Variants in CLIC6 observed in about 807,000 individuals in gnomAD.
CLIC6 encodes chloride intracellular channel protein 6.
CLIC6 carries 39 observed loss-of-function variants against 49.2 expected under a neutral mutation model. The ratio of observed to expected loss-of-function variants is 0.79; its 90% CI spans 0.61 to 1.04. CLIC6 has a LOEUF of 1.04. Ranked by LOEUF, CLIC6 falls within the 50% of genes least tolerant of loss-of-function variation. The pLI, the probability that CLIC6 is intolerant of heterozygous loss-of-function variation, is 0.00. For missense variants in CLIC6, 988 were observed against 993.1 expected (o/e 0.99, Z 0.07); for synonymous variants, 446 against 433.4 (o/e 1.03, Z -0.36).
intron 1 of CLIC6, among the ~76,000 whole-genome samples, chr21:34,685,131 TG>T (rs1989852369): frequency 1.3e-5 from 2 of 151,936 alleles, no homozygotes; most frequent in South Asian, 4.2e-4. Flanking sequence ...GGTGGCAGGG[TG>T]GGGGGTGGTG....
intron 1 of CLIC6, among the ~76,000 whole-genome samples, chr21:34,675,702 A>T (rs140638029): frequency 1.2e-3 from 183 of 152,226 alleles, no homozygotes; most frequent in Middle Eastern, 0.01. Flanking sequence ...CCCCTGCCAC[A>T]CTCAGTGAGA....
chr21:34,670,251 G>A lies in CLIC6; in HGVS notation c.863G>A (p.Arg288Lys), dbSNP rs1412269425. The part of the protein sequence containing the change: ...DSMDAEGPAG[R>K]ARRVSGEPQQ... ...ATGGACGCCGAGGGTCCGGCAGGAAGGGCGCGCCGGGTCTCGGGTGAGCCG... is the reference window on the plus strand; with the variant it reads ...ATGGACGCCGAGGGTCCGGCAGGAAAGGCGCGCCGGGTCTCGGGTGAGCCG... The change falls in exon 1 of 6, where the codon AGG (arginine) becomes AAG (lysine). Residue 288 changes from arginine to lysine, a missense_variant. Around this residue, in one of 3 missense-constraint regions of CLIC6, gnomAD observed 647 missense variants for 596.9 expected, o/e 1.08. Coordinates refer to ENST00000349499, the MANE Select transcript of CLIC6 (RefSeq NM_053277.3). 2 of 1,430,456 alleles carry A rather than the reference G, an allele frequency of 1.4e-6. No individual in the cohort carries two copies. Among genetic ancestry groups the A allele is most frequent in the Middle Eastern group, 2.5e-4 (1 of 4,016 alleles). 88.6% of individuals were successfully genotyped at this position (1,430,456 alleles called of 1,614,324 possible). A position where few individuals can be genotyped will look rare whatever the true frequency, so the allele number is the denominator to read the frequency against.
chr21:34,695,945 G>T (rs767629377), intron 1 of CLIC6, among the ~76,000 whole-genome samples: 13 of 152,210 alleles, frequency 8.5e-5, no homozygotes, highest in Non-Finnish European at 1.8e-4. Flanking sequence ...GGGTGGAATT[G>T]TTTGCCCAGA....
intron 1 of CLIC6, among the ~76,000 whole-genome samples, chr21:34,696,562 C>G (rs1355141255): frequency 6.6e-6 from 1 of 152,174 alleles, no homozygotes. Context: ...ACAAGTTTCT[C>G]TACCTCTCTG....
chr21:34,674,265 A>C (rs575811729), intron 1 of CLIC6, among the ~76,000 whole-genome samples: 2 of 152,096 alleles, frequency 1.3e-5, no homozygotes, highest in Non-Finnish European at 2.9e-5. Flanking sequence ...TTTTCAAAAA[A>C]ATTTTTGTAG....
In CLIC6 at chr21:34,670,493, G is replaced by A. The variant is rs1183348352; in HGVS notation, c.1105G>A (p.Glu369Lys). 6.0e-6 allele frequency: 9 copies of A among 1,493,066 alleles called. No homozygotes were observed. Among genetic ancestry groups the A allele is most frequent in the Non-Finnish European group, 8.0e-6 (9 of 1,121,220 alleles). 92.5% of individuals were successfully genotyped at this position (1,493,066 alleles called of 1,614,324 possible). ...VGDGPQQEPG[E>K]DEERRERSPE... is the part of the protein sequence containing the mutation. Reference sequence around the variant, plus strand: ...GGATGGGCCACAGCAGGAGCCGGGGGAGGACGAAGAGAGACGAGAGCGGAG... The same window carrying A: ...GGATGGGCCACAGCAGGAGCCGGGGAAGGACGAAGAGAGACGAGAGCGGAG... Residue 369 changes from glutamate to lysine, a missense_variant, in exon 1 of 6, where the codon GAG (glutamate) becomes AAG (lysine). By Grantham distance (56) the Glu-to-Lys change is moderately conservative. Coordinates refer to ENST00000349499, the MANE Select transcript of CLIC6 (RefSeq NM_053277.3).
intron 1 of CLIC6, among the ~76,000 whole-genome samples, chr21:34,706,323 G>A (rs1320402975): frequency 6.6e-6 from 1 of 152,070 alleles, no homozygotes; most frequent in Admixed American, 6.6e-5. Flanking sequence ...CTATCGAAAG[G>A]GCAGCAGCAA....
intron 1 of CLIC6, among the ~76,000 whole-genome samples, chr21:34,677,581 C>G (rs1404257879): frequency 1.3e-5 from 2 of 152,258 alleles, no homozygotes; most frequent in East Asian, 3.9e-4. Flanking sequence ...CTCCCTGTAT[C>G]ATCAAAAAAT....
At chr21:34,704,507 C>A (rs150215823) in intron 1 of CLIC6, among the ~76,000 whole-genome samples, 1 of 152,324 alleles carries the variant, frequency 6.6e-6, no homozygotes, top group East Asian at 1.9e-4. Flanking sequence ...GCCTTTGGTT[C>A]ACTAGCCATG....
chr21:34,695,210 T>C (rs1990068956), intron 1 of CLIC6, among the ~76,000 whole-genome samples: 1 of 152,254 alleles, frequency 6.6e-6, no homozygotes, highest in Non-Finnish European at 1.5e-5. Flanking sequence ...TTGCATGTCT[T>C]GGCTCATGGC....
At chr21:34,710,681 C>T (rs1001777987) in intron 5 of CLIC6, among the ~76,000 whole-genome samples, 3 of 151,990 alleles carry the variant, frequency 2.0e-5, no homozygotes, top group Non-Finnish European at 2.9e-5. Context: ...GGTGTGGTGG[C>T]GGGCACCTGT....
At chr21:34,677,935 A>G (rs572652751) in intron 1 of CLIC6, among the ~76,000 whole-genome samples, 29 of 152,316 alleles carry the variant, frequency 1.9e-4, no homozygotes, top group Non-Finnish European at 3.2e-4. Flanking sequence ...AAAACATTAA[A>G]AGAAGAATAA....
intron 1 of CLIC6, among the ~76,000 whole-genome samples, chr21:34,690,026 T>C (rs1309867726): frequency 1.3e-5 from 2 of 152,230 alleles, no homozygotes; most frequent in African/African-American, 4.8e-5. Context: ...TGGAAAAGAC[T>C]TTCATTATTT....
intron 5 of CLIC6, among the ~76,000 whole-genome samples, chr21:34,710,214 G>T (rs2056046800): frequency 6.6e-6 from 1 of 152,118 alleles, no homozygotes; most frequent in African/African-American, 2.4e-5. Flanking sequence ...GGAACCTGAG[G>T]CTGCAGCAAG....
chr21:34,681,923 C>T (rs779329349), intron 1 of CLIC6, among the ~76,000 whole-genome samples: 8 of 152,152 alleles, frequency 5.3e-5, no homozygotes, highest in Non-Finnish European at 1.2e-4. Context: ...AAATAGTACA[C>T]TGGAAATACA....
At chr21:34,700,551 CTAAA>C (rs1268086066) in intron 1 of CLIC6, among the ~76,000 whole-genome samples, 1 of 140,526 alleles carries the variant, frequency 7.1e-6, no homozygotes, top group Non-Finnish European at 1.5e-5. Context: ...CACTACCTGC[CTAAA>C]TAATTTCTTT....
Position 34,670,527 on chromosome 21 carries a change from G to A in CLIC6, c.1139G>A (p.Gly380Glu), listed in dbSNP as rs761420874. Reference sequence around the variant, plus strand: ...GAGAGACGAGAGCGGAGCCCGGAGGGGCCAAGGGAGGAGGAAGCAGCGGGG... The same window carrying A: ...GAGAGACGAGAGCGGAGCCCGGAGGAGCCAAGGGAGGAGGAAGCAGCGGGG... Reference protein sequence around the residue: ...DEERRERSPEGPREEEAAGGE... With the variant: ...DEERRERSPEEPREEEAAGGE... The change falls in exon 1 of 6, where the codon GGG (glycine) becomes GAG (glutamate). Residue 380 changes from glycine (G) to glutamate (E), a missense_variant. Around this residue, in one of 3 missense-constraint regions of CLIC6, gnomAD observed 647 missense variants for 596.9 expected, o/e 1.08. Coordinates refer to ENST00000349499, the MANE Select transcript of CLIC6 (RefSeq NM_053277.3). 12 of 1,500,020 alleles carry A rather than the reference G, an allele frequency of 8.0e-6. No homozygotes were observed. The highest frequency in any genetic ancestry group is 2.2e-4 in the Middle Eastern group (1 of 4,646). 92.9% of individuals were successfully genotyped at this position (1,500,020 alleles called of 1,614,324 possible). A position where few individuals can be genotyped will look rare whatever the true frequency, so the allele number is the denominator to read the frequency against.
At chr21:34,693,978 T>TTC (rs1990045641) in intron 1 of CLIC6, among the ~76,000 whole-genome samples, 3 of 139,200 alleles carry the variant, frequency 2.2e-5, no homozygotes, top group Admixed American at 7.1e-5. Flanking sequence ...TTGTTTTCTT[T>TTC]TTTTTTTTTT....
Position 34,716,862 on chromosome 21 carries a change from T to TCTCTCTCACACACA in CLIC6, c.*381_*382insTCTCTCACACACAC. ...CTCTCTCTCTCTCTCTCTCTCTCTA[T>TCTCTCTCACACACA]CACACACACACACACACACACACAC... On this transcript the variant is annotated 3_prime_UTR_variant, in exon 6 of 6. Coordinates refer to ENST00000349499, the MANE Select transcript of CLIC6 (RefSeq NM_053277.3). 2.3e-5 allele frequency: 3 copies of TCTCTCTCACACACA among 131,636 alleles called. No individual in the cohort carries two copies. Among genetic ancestry groups the TCTCTCTCACACACA allele is most frequent in the African/African-American group, 6.4e-5 (2 of 31,216 alleles). The allele number at this position is 131,636 out of a possible 1,614,324, so 8.2% of individuals were successfully genotyped here. A position where few individuals can be genotyped will look rare whatever the true frequency, so the allele number is the denominator to read the frequency against.
Sources: gnomAD v4.1 joint callset for allele counts (sites outside exome capture counted in the v4.1 genomes callset) on GRCh38, gnomAD v4.1.1 for gene constraint, gnomAD v4.1.1 regional missense constraint, MANE v1.5 for transcripts, NCBI Gene and HGNC (gene_info 2026-07-23, HGNC 2026-07-21) for gene names.